The following ANKS1B variants were observed in gnomAD, a reference collection of about 807,000 sequenced individuals.
ANKS1B encodes ankyrin repeat and sterile alpha motif domain-containing protein 1B.
A neutral mutation model predicts 148.3 loss-of-function variants in ANKS1B; 36 were observed. The observed-to-expected ratio is 0.24, with a 90% confidence interval of 0.19 to 0.32. The LOEUF (loss-of-function observed/expected upper bound fraction) is 0.32. Among genes scored for constraint, ANKS1B ranks in the 10% least tolerant of loss-of-function variants. The pLI, the probability that ANKS1B is intolerant of heterozygous loss-of-function variation, is 1.00. For synonymous variants in ANKS1B, 542 were observed against 560.8 expected (o/e 0.97, Z 0.47); for missense variants, 1,157 against 1,542.6 (o/e 0.75, Z 4.19).
At chr12:99,021,544 T>C (rs1003618269) in intron 17 of ANKS1B, among the ~76,000 whole-genome samples, 5 of 152,104 alleles carry the variant, frequency 3.3e-5, no homozygotes, top group African/African-American at 1.2e-4. Context: ...TGAATGATAC[T>C]GTATAGGTGC....
At chr12:99,758,692 G>A (rs61940287) in intron 8 of ANKS1B, among the ~76,000 whole-genome samples, 1,611 of 151,892 alleles carry the variant, frequency 0.011, 19 homozygotes, top group Non-Finnish European at 0.018. Flanking sequence ...TCAAACACAA[G>A]TCTTTTGAAC....
chr12:99,678,426 G>A (rs1344534662), intron 8 of ANKS1B, among the ~76,000 whole-genome samples: 6 of 152,024 alleles, frequency 3.9e-5, no homozygotes. Flanking sequence ...TATAATTCTG[G>A]CCTAAAACTT....
chr12:99,171,829 G>C (rs539442698), intron 14 of ANKS1B, among the ~76,000 whole-genome samples: 2 of 152,268 alleles, frequency 1.3e-5, no homozygotes, highest in South Asian at 4.1e-4. Flanking sequence ...AAGGTGATCA[G>C]AGAATTAAGT....
chr12:98,800,859 A>C lies in ANKS1B; in HGVS notation c.3270+138T>G. The C allele has an allele frequency of 2.7e-6, 3 of 1,105,726 alleles. No homozygotes were observed. In the South Asian group the frequency reaches 6.0e-5, roughly 22 times the overall value. The allele number at this position is 1,105,726 out of a possible 1,614,324, so 68.5% of individuals were successfully genotyped here. ...TTGGATAGAAGGCTACTTTAAGAAAAAGTGAAGAGAAAAACATTTTAAAAA... is the reference window on the plus strand; with the variant it reads ...TTGGATAGAAGGCTACTTTAAGAAACAGTGAAGAGAAAAACATTTTAAAAA... On this transcript the variant is annotated intron_variant, in intron 21 of 26. Transcript: ENST00000683438.
At chr12:99,154,735 T>G (rs2075790627) in intron 14 of ANKS1B, 2 of 1,439,800 alleles carry the variant, frequency 1.4e-6, no homozygotes, top group South Asian at 3.0e-5. Flanking sequence ...GCGTTCTATG[T>G]GATTGTTGGA....
Position 99,143,774 on chromosome 12 carries a change from AT to A in ANKS1B, c.2526+10514del, listed in dbSNP as rs145753554. On this transcript the variant is annotated intron_variant, in intron 15 of 26. Transcript: ENST00000683438. ...GACTGCTTAATATCTGTATAAGGCC[AT>A]TTTTTTCTTCTCTCTCACCTCTCTT... 6.8e-3 allele frequency among the ~76,000 whole-genome samples: 1,030 copies of A among 152,008 alleles called. 10 individuals carry two copies. Among genetic ancestry groups the A allele is most frequent in the African/African-American group, 0.023 (959 of 41,470 alleles).
chr12:99,929,495 A>C (rs1188466202), intron 1 of ANKS1B, among the ~76,000 whole-genome samples: 1 of 152,118 alleles, frequency 6.6e-6, no homozygotes, highest in Non-Finnish European at 1.5e-5. Context: ...GAAGCTTTTT[A>C]GTTTAATTAG....
At chr12:99,789,439 CCT>C (rs1329517823) in intron 4 of ANKS1B, among the ~76,000 whole-genome samples, 3 of 152,036 alleles carry the variant, frequency 2.0e-5, no homozygotes, top group African/African-American at 7.2e-5. Context: ...GAAAACATGA[CCT>C]CACCGAATGA....
chr12:99,145,312 G>A (rs2072651374), intron 15 of ANKS1B, among the ~76,000 whole-genome samples: 1 of 152,074 alleles, frequency 6.6e-6, no homozygotes, highest in South Asian at 2.1e-4. Context: ...CAAAGGCACA[G>A]ATATCTGAGC....
intron 9 of ANKS1B, among the ~76,000 whole-genome samples, chr12:99,605,405 G>A (rs541563316): frequency 6.6e-6 from 1 of 151,828 alleles, no homozygotes; most frequent in East Asian, 1.9e-4. Context: ...TCATTCTACT[G>A]TGCAATGGAA....
intron 21 of ANKS1B, 35 bp from the exon 22 acceptor site, chr12:98,799,040 T>G (rs2098977568): frequency 6.8e-7 from 1 of 1,473,780 alleles, no homozygotes; most frequent in Non-Finnish European, 9.3e-7. Context: ...ATTTATGAAA[T>G]GGAATATACA....
chr12:99,646,513 G>A (rs2098366843), intron 9 of ANKS1B, among the ~76,000 whole-genome samples: 1 of 151,788 alleles, frequency 6.6e-6, no homozygotes, highest in South Asian at 2.1e-4. Context: ...AATTAGCCGG[G>A]CGTGGTGGCA....
intron 19 of ANKS1B, among the ~76,000 whole-genome samples, chr12:98,812,988 C>A (rs1418239706): frequency 6.6e-6 from 1 of 152,168 alleles, no homozygotes; most frequent in African/African-American, 2.4e-5. Flanking sequence ...TATGAAATGG[C>A]TCTTCTCCTA....
At chr12:99,983,192 T>G (rs746980321) in intron 1 of ANKS1B, among the ~76,000 whole-genome samples, 10 of 152,236 alleles carry the variant, frequency 6.6e-5, no homozygotes, top group Non-Finnish European at 1.3e-4. Flanking sequence ...TTTTAGAAAC[T>G]AAAGAGCTTC....
chr12:99,414,797 G>A (rs566819997), intron 11 of ANKS1B, among the ~76,000 whole-genome samples: 2 of 152,310 alleles, frequency 1.3e-5, no homozygotes, highest in East Asian at 1.9e-4. Context: ...AAACCTGCGC[G>A]TTCTGCACAT....
At chr12:99,171,319 G>T (rs551392327) in intron 14 of ANKS1B, among the ~76,000 whole-genome samples, 1 of 152,146 alleles carries the variant, frequency 6.6e-6, no homozygotes, top group South Asian at 2.1e-4. Flanking sequence ...TAAGAACAAT[G>T]CTTCCTCCTG....
At chr12:99,482,073 T>C (rs12581185) in intron 10 of ANKS1B, among the ~76,000 whole-genome samples, 5,691 of 152,126 alleles carry the variant, frequency 0.037, 149 homozygotes, top group South Asian at 0.084. Flanking sequence ...TTGCATTTGC[T>C]TTTGGGGTCT....
intron 9 of ANKS1B, among the ~76,000 whole-genome samples, chr12:99,647,429 T>C (rs552953457): frequency 6.6e-6 from 1 of 152,292 alleles, no homozygotes; most frequent in African/African-American, 2.4e-5. Flanking sequence ...AATTCTCTCT[T>C]TAAAATAAAT....
intron 1 of ANKS1B, among the ~76,000 whole-genome samples, chr12:99,934,417 G>T (rs186821960): frequency 5.9e-4 from 90 of 152,154 alleles, no homozygotes; most frequent in Admixed American, 4.3e-3. Flanking sequence ...TCTTTGCTGG[G>T]AGACTTTTTA....
Sources: gnomAD v4.1 joint callset for allele counts (sites outside exome capture counted in the v4.1 genomes callset) on GRCh38, gnomAD v4.1.1 for gene constraint, MANE v1.5 for transcripts, NCBI Gene and HGNC (gene_info 2026-07-23, HGNC 2026-07-21) for gene names.